Variants in COG5 observed in about 807,000 individuals in gnomAD.
COG5 encodes conserved oligomeric Golgi complex subunit 5.
Under a neutral mutation model 110.4 loss-of-function variants are expected in COG5, and 86 were observed. The ratio of observed to expected loss-of-function variants is 0.78; its 90% confidence interval spans 0.65 to 0.93. COG5 has a LOEUF of 0.93. COG5 is among the 40% of genes least tolerant of loss of function. COG5 has a pLI of 0.00. For missense variants in COG5, 1,077 were observed against 987.0 expected (o/e 1.09, Z -1.22); for synonymous variants, 360 against 334.6 (o/e 1.08, Z -0.83).
At chr7:107,281,137 A>AT (rs1468299506) in intron 14 of COG5, among the ~76,000 whole-genome samples, 163 bp downstream of exon 14, 2 of 151,900 alleles carry the variant, frequency 1.3e-5, no homozygotes, top group Admixed American at 1.3e-4. Context: ...TTGTTAACAA[A>AT]TTTTTTTTCT....
chr7:107,256,806 T>C lies in COG5; in HGVS notation c.1687-12A>G. On this transcript the variant is annotated splice_polypyrimidine_tract_variant and intron_variant, in intron 15 of 21. Transcript: ENST00000297135. ...TGACTGGAAACAACCTAGAACAAGG[T>C]TTTGATCCAGTTATAGTTTCGCTTA... 1 of 1,599,182 alleles carries C rather than the reference T, an allele frequency of 6.3e-7. No homozygotes were observed. The highest frequency in any genetic ancestry group is 1.3e-5 in the African/African-American group (1 of 74,826).
chr7:107,384,466 G>T (rs1815398891), intron 7 of COG5, among the ~76,000 whole-genome samples: 1 of 152,098 alleles, frequency 6.6e-6, no homozygotes, highest in African/African-American at 2.4e-5. Flanking sequence ...TGAACTGCCG[G>T]GCAGGAAGCA....
In COG5 at chr7:107,258,402, A is replaced by T. The variant is rs1803048386; in HGVS notation, c.1576-19T>A. The T allele has an allele frequency of 1.4e-6, 2 of 1,381,052 alleles. No homozygotes were observed. Among genetic ancestry groups the T allele is most frequent in the East Asian group, 4.6e-5 (2 of 43,690 alleles). 85.5% of individuals were successfully genotyped at this position (1,381,052 alleles called of 1,614,324 possible). On this transcript the variant is annotated intron_variant, in intron 14 of 21. Transcript: ENST00000297135. Reference sequence around the variant, plus strand: ...TGGAGAGCTGTAAGAATTCAATTTCAAAAGAATGTGTCAGAATGATAATTC... The same window carrying T: ...TGGAGAGCTGTAAGAATTCAATTTCTAAAGAATGTGTCAGAATGATAATTC...
At chr7:107,263,294 A>G (rs1045823335) in intron 14 of COG5, among the ~76,000 whole-genome samples, 3 of 152,192 alleles carry the variant, frequency 2.0e-5, no homozygotes, top group African/African-American at 4.8e-5. Flanking sequence ...AAGGCATCTC[A>G]AAGTAGAAGA....
At chr7:107,448,335 G>C (rs930309067) in intron 6 of COG5, among the ~76,000 whole-genome samples, 2 of 152,050 alleles carry the variant, frequency 1.3e-5, no homozygotes, top group African/African-American at 2.4e-5. Flanking sequence ...GTCTTGCGGA[G>C]GTCACCAACC....
At chr7:107,289,127 C>CA in intron 12 of COG5, among the ~76,000 whole-genome samples, 1 of 151,092 alleles carries the variant, frequency 6.6e-6, no homozygotes, top group Admixed American at 6.6e-5. Context: ...AGACACTGTG[C>CA]CCAGCCTTGT....
intron 5 of COG5, among the ~76,000 whole-genome samples, chr7:107,529,693 C>T (rs1205808181): frequency 2.0e-5 from 3 of 152,208 alleles, no homozygotes; most frequent in Admixed American, 6.5e-5. Flanking sequence ...GACCTCAGTG[C>T]CCACGTGGGA....
At chr7:107,419,302 G>A (rs56177152) in intron 6 of COG5, among the ~76,000 whole-genome samples, 2,022 of 151,766 alleles carry the variant, frequency 0.013, 50 homozygotes, top group African/African-American at 0.047. Flanking sequence ...AATATAATTA[G>A]ACAAATAGAA....
chr7:107,522,045 T>C (rs1800357556), intron 6 of COG5, among the ~76,000 whole-genome samples: 1 of 151,938 alleles, frequency 6.6e-6, no homozygotes, highest in South Asian at 2.1e-4. Flanking sequence ...CTGCACATTC[T>C]CACTCGTAAA....
In COG5 at chr7:107,210,134, T is replaced by A. The variant is rs1164750092; in HGVS notation, c.2375+392A>T. ...TCCTCAGAACTGTTTCGCACTTGGG[T>A]ATTTTTAAAAATTCACTCACATCTG... On this transcript the variant is annotated intron_variant, in intron 21 of 21. Transcript: ENST00000297135. 99 of 1,070,946 alleles carry A rather than the reference T, an allele frequency of 9.2e-5. 1 individual carries two copies. Among genetic ancestry groups the A allele is most frequent in the Non-Finnish European group, 1.1e-4 (99 of 879,796 alleles). The allele number at this position is 1,070,946 out of a possible 1,614,324, so 66.3% of individuals were successfully genotyped here. A position where few individuals can be genotyped will look rare whatever the true frequency, so the allele number is the denominator to read the frequency against.
chr7:107,353,242 G>A (rs976412769), intron 10 of COG5, among the ~76,000 whole-genome samples: 2 of 151,786 alleles, frequency 1.3e-5, no homozygotes, highest in African/African-American at 4.8e-5. Flanking sequence ...TGGCTAACAC[G>A]GTGAAACCCC....
chr7:107,372,546 T>G (rs1478953460), intron 8 of COG5, 49 bp downstream of exon 8: 2 of 1,576,412 alleles, frequency 1.3e-6, no homozygotes, highest in Non-Finnish European at 1.7e-6. Context: ...TTCAAAAGAC[T>G]TCTCAGTTAT....
chr7:107,293,266 C>T (rs1019144171), intron 12 of COG5, among the ~76,000 whole-genome samples: 5 of 152,178 alleles, frequency 3.3e-5, no homozygotes, highest in African/African-American at 4.8e-5. Flanking sequence ...GAGCTCCCTA[C>T]TCCTGACCTC....
chr7:107,371,966 T>C (rs528706992), intron 8 of COG5, among the ~76,000 whole-genome samples: 10 of 152,294 alleles, frequency 6.6e-5, no homozygotes, highest in African/African-American at 2.2e-4. Flanking sequence ...ACATAATCTG[T>C]GGTCTTTTCT....
intron 14 of COG5, among the ~76,000 whole-genome samples, chr7:107,268,683 A>T (rs970506224): frequency 4.6e-5 from 7 of 152,184 alleles, no homozygotes; most frequent in Admixed American, 6.5e-5. Flanking sequence ...TGTAAGGTGT[A>T]TCATAATTCT....
intron 7 of COG5, among the ~76,000 whole-genome samples, chr7:107,379,006 A>G (rs1274772524): frequency 6.6e-6 from 1 of 152,222 alleles, no homozygotes; most frequent in East Asian, 1.9e-4. Context: ...AAAAAATATT[A>G]AGGGCAGCCA....
chr7:107,414,237 C>G (rs1045992325), intron 6 of COG5, among the ~76,000 whole-genome samples: 1 of 152,100 alleles, frequency 6.6e-6, no homozygotes, highest in African/African-American at 2.4e-5. Context: ...GCATTACTCA[C>G]ATCTTGACAA....
intron 1 of COG5, among the ~76,000 whole-genome samples, chr7:107,561,272 A>G (rs1232088970): frequency 6.6e-6 from 1 of 152,194 alleles, no homozygotes; most frequent in Non-Finnish European, 1.5e-5. Flanking sequence ...CACCAAGCCT[A>G]TCAATCCGAT....
At chr7:107,271,218 C>T (rs1804243196) in intron 14 of COG5, among the ~76,000 whole-genome samples, 1 of 152,020 alleles carries the variant, frequency 6.6e-6, no homozygotes, top group Non-Finnish European at 1.5e-5. Flanking sequence ...TTGCATCTAG[C>T]CTGGGCAACA....
Sources: allele counts gnomAD v4.1 joint callset (sites outside exome capture counted in the v4.1 genomes callset), GRCh38; gene constraint gnomAD v4.1.1; transcripts MANE v1.5; gene names NCBI Gene and HGNC (gene_info 2026-07-23, HGNC 2026-07-21).